Variants in TUT4 observed in about 807,000 individuals in gnomAD.
TUT4 encodes the protein terminal uridylyltransferase 4.
Under a neutral mutation model 192.2 loss-of-function variants are expected in TUT4, and 36 were observed. The observed-to-expected ratio is 0.19, with a 90% CI of 0.14 to 0.25. TUT4 has a LOEUF of 0.25. Among genes scored for constraint, TUT4 ranks in the 10% least tolerant of loss-of-function variants. TUT4 has a pLI of 1.00. For synonymous variants in TUT4, 618 were observed against 666.0 expected, an observed-to-expected ratio of 0.93 and a Z score of 1.11; for missense variants, 1,493 against 1,957.2, an observed-to-expected ratio of 0.76 and a Z score of 4.47.
chr1:52,511,020 C>A (rs561401576), intron 3 of TUT4, among the ~76,000 whole-genome samples: 1 of 152,332 alleles, frequency 6.6e-6, no homozygotes, highest in East Asian at 1.9e-4. Context: ...ATTCAACAGG[C>A]TTCAGCTTCT....
intron 5 of TUT4, among the ~76,000 whole-genome samples, chr1:52,496,158 G>T (rs1273563527): frequency 6.6e-6 from 1 of 152,092 alleles, no homozygotes; most frequent in Admixed American, 6.5e-5. Context: ...AGATCAAGAA[G>T]ATTTAGTTTC....
At chr1:52,449,505 G>A (rs1302756251) in intron 20 of TUT4, among the ~76,000 whole-genome samples, 1 of 152,020 alleles carries the variant, frequency 6.6e-6, no homozygotes, top group African/African-American at 2.4e-5. Flanking sequence ...TTGCCATATT[G>A]GCCAGGCTGG....
intron 28 of TUT4, among the ~76,000 whole-genome samples, chr1:52,429,157 C>T (rs1300439269): frequency 6.8e-6 from 1 of 147,560 alleles, no homozygotes; most frequent in African/African-American, 2.5e-5. Context: ...GATCTCGGCT[C>T]ACTGCAAGTT....
At position 52,546,430 on chromosome 1, in the gene TUT4, A is replaced by C. The variant is rs150349889; in HGVS notation, c.-94+6501T>G. Among the ~76,000 whole-genome samples the C allele has an allele frequency of 7.8e-3, 1,182 of 152,348 alleles. 10 individuals are homozygous for C. Among genetic ancestry groups the C allele is most frequent in the African/African-American group, 0.026 (1,090 of 41,582 alleles). On this transcript the variant is annotated intron_variant, in intron 1 of 29. Transcript: ENST00000257177. Reference sequence around the variant, plus strand: ...ACCTTGAGGACACTATGCTAAGTGAAATAAGCCACAAGACAAATATTGTAT... The same window carrying C: ...ACCTTGAGGACACTATGCTAAGTGACATAAGCCACAAGACAAATATTGTAT...
chr1:52,547,909 T>C (rs950132859), intron 1 of TUT4, among the ~76,000 whole-genome samples: 4 of 152,140 alleles, frequency 2.6e-5, no homozygotes, highest in Non-Finnish European at 4.4e-5. Context: ...GATAAAAACA[T>C]TCCAAAATTA....
At position 52,436,933 on chromosome 1, in the gene TUT4, C is replaced by T. The variant is rs2148273334; in HGVS notation, c.3984G>A (p.Lys1328=). The T allele has an allele frequency of 1.2e-6, 2 of 1,613,964 alleles. No individual in the cohort carries two copies. Among genetic ancestry groups the T allele is most frequent in the East Asian group, 4.5e-5 (2 of 44,872 alleles). The change falls in exon 26 of 30, where the codon AAG becomes AAA. Residue 1328 remains lysine, a synonymous_variant. Transcript: ENST00000257177. ...AATCTTTCTCTTCTTCATTCCCTTC[C>T]TTCTCTTCTTCACTGTCTTTCTTCT... ...RLKKKDSEEE[K]EGNEEEKDSR... is the part of the protein sequence containing the mutation.
At chr1:52,521,843 A>T (rs893459957) in intron 2 of TUT4, among the ~76,000 whole-genome samples, 3 of 151,518 alleles carry the variant, frequency 2.0e-5, no homozygotes, top group Non-Finnish European at 4.4e-5. Flanking sequence ...ATGCACCTGT[A>T]AATCCCAGCT....
chr1:52,503,372 A>C (rs1674688689), intron 4 of TUT4, among the ~76,000 whole-genome samples: 2 of 152,140 alleles, frequency 1.3e-5, no homozygotes, highest in Admixed American at 1.3e-4. Context: ...TTACTCTGCC[A>C]AATTAAAAGA....
intron 27 of TUT4, chr1:52,433,931 G>C (rs761142923): frequency 2.0e-5 from 3 of 152,042 alleles, no homozygotes; most frequent in Admixed American, 1.3e-4. Context: ...GAATGTACAG[G>C]GTGTTCAACT....
chr1:52,466,157 G>C (rs1194730904), intron 15 of TUT4, among the ~76,000 whole-genome samples: 1 of 151,820 alleles, frequency 6.6e-6, no homozygotes, highest in Non-Finnish European at 1.5e-5. Context: ...TGATAGCTGA[G>C]AGGCAAAAAA....
At chr1:52,543,419 C>T (rs1340470316) in intron 1 of TUT4, among the ~76,000 whole-genome samples, 2 of 151,326 alleles carry the variant, frequency 1.3e-5, no homozygotes, top group South Asian at 4.2e-4. Flanking sequence ...TAAAACATTG[C>T]TGAAAGAAAT....
chr1:52,477,907 T>A (rs200375094), intron 11 of TUT4, 25 bp from the exon 12 acceptor site: 94 of 1,565,208 alleles, frequency 6.0e-5, no homozygotes, highest in Non-Finnish European at 8.1e-5. Flanking sequence ...ATACTTTTCA[T>A]TTAAGCTTAA....
intron 1 of TUT4, among the ~76,000 whole-genome samples, chr1:52,545,418 A>C (rs1308580129): frequency 6.6e-6 from 1 of 151,980 alleles, no homozygotes; most frequent in African/African-American, 2.4e-5. Flanking sequence ...ACAGAATGGA[A>C]GAAAATATTT....
In TUT4 at chr1:52,521,846, T is replaced by C. The variant is rs538722486; in HGVS notation, c.718+3717A>G. 2.8e-3 allele frequency among the ~76,000 whole-genome samples: 430 copies of C among 151,952 alleles called. 2 individuals carry two copies. The highest frequency in any genetic ancestry group is 9.9e-3 in the African/African-American group (409 of 41,412). ...AGGTGTGGTGGCATGCACCTGTAAA[T>C]CCCAGCTACTCAGGAGGCTGAGGCA... On this transcript the variant is annotated intron_variant, in intron 2 of 29. Coordinates refer to ENST00000257177, the MANE Select transcript of TUT4 (RefSeq NM_001009881.3).
At chr1:52,448,830 G>A (rs1658424549) in intron 20 of TUT4, among the ~76,000 whole-genome samples, 1 of 152,076 alleles carries the variant, frequency 6.6e-6, no homozygotes, top group African/African-American at 2.4e-5. Context: ...TCATACTTCT[G>A]AGTAACAACA....
intron 26 of TUT4, 98 bp from the exon 27 acceptor site, chr1:52,435,563 T>G (rs889860736): frequency 1.8e-5 from 16 of 898,080 alleles, no homozygotes; most frequent in Admixed American, 2.3e-5. Context: ...ATCTCAAATA[T>G]CTCTGCAATT....
chr1:52,475,379 T>G lies in TUT4; in HGVS notation c.2180A>C (p.Lys727Thr). The G allele has an allele frequency of 6.2e-7, 1 of 1,614,160 alleles. No homozygotes were observed. The highest frequency in any genetic ancestry group is 8.5e-7 in the Non-Finnish European group (1 of 1,180,040). Residue 727 changes from lysine (K) to threonine (T), a missense_variant, in exon 13 of 30, where the codon AAG (lysine) becomes ACG (threonine). Around this residue, in one of 7 missense-constraint regions of TUT4, gnomAD observed 245 missense variants for 218.4 expected, o/e 1.12. Coordinates refer to ENST00000257177, the MANE Select transcript of TUT4 (RefSeq NM_001009881.3). ...TGGTTTCTTATTGCTTATTTTCCCC[T>G]TCTCTCTTTTCTTGAAATCCACTGT... The part of the protein sequence containing the change: ...KSTVDFKKRE[K>T]GKISNKKPVK...
chr1:52,493,486 T>C, intron 7 of TUT4, 125 bp downstream of exon 7: 1 of 634,682 alleles, frequency 1.6e-6, no homozygotes, highest in Non-Finnish European at 2.8e-6. Context: ...TCTCCATTTG[T>C]AATGCAATGA....
intron 7 of TUT4, among the ~76,000 whole-genome samples, chr1:52,493,105 C>A (rs1024476127): frequency 3.3e-4 from 50 of 152,222 alleles, no homozygotes; most frequent in African/African-American, 1.2e-3. Context: ...ATTTTCCAGA[C>A]GGAGTTTCAC....
Sources: gnomAD v4.1 joint callset for allele counts (sites outside exome capture counted in the v4.1 genomes callset) on GRCh38, gnomAD v4.1.1 for gene constraint, gnomAD v4.1.1 regional missense constraint, MANE v1.5 for transcripts, NCBI Gene and HGNC (gene_info 2026-07-23, HGNC 2026-07-21) for gene names.